The following RIMBP2 variants were observed in gnomAD, a reference collection of about 807,000 sequenced individuals.
RIMBP2 encodes the protein RIMS-binding protein 2.
RIMBP2 carries 48 observed loss-of-function variants against 118.6 expected under a neutral mutation model. The observed-to-expected ratio is 0.40, with a 90% CI of 0.32 to 0.51. RIMBP2 has a LOEUF of 0.51. Among genes scored for constraint, RIMBP2 ranks in the 20% least tolerant of loss-of-function variants. RIMBP2 has a pLI of 0.41. For synonymous variants in RIMBP2, 762 were observed against 742.9 expected, an observed-to-expected ratio of 1.03 and a Z score of -0.42; for missense variants, 1,551 against 1,768.3, an observed-to-expected ratio of 0.88 and a Z score of 2.20.
chr12:130,462,080 C>T (rs1476491324), intron 6 of RIMBP2, among the ~76,000 whole-genome samples: 1 of 152,202 alleles, frequency 6.6e-6, no homozygotes, highest in Non-Finnish European at 1.5e-5. Context: ...CTGCTCTGCA[C>T]GACAGCATGG....
chr12:130,610,598 T>C (rs1335202367), intron 2 of RIMBP2, among the ~76,000 whole-genome samples: 1 of 137,844 alleles, frequency 7.3e-6, no homozygotes. Flanking sequence ...TCTCGCTCTG[T>C]CGCCCAGGCT....
intron 11 of RIMBP2, 114 bp from the exon 12 acceptor site, chr12:130,438,630 G>A (rs990509458): frequency 8.9e-5 from 84 of 944,778 alleles, no homozygotes; most frequent in Non-Finnish European, 1.2e-4. Context: ...AAGTCGCCAG[G>A]GAAAAAGAGA....
rs1409911762 is a variant in RIMBP2, at chr12:130,581,672, G to GT, written c.-217+46649dup. Among the ~76,000 whole-genome samples, 1 of 152,164 alleles carries GT rather than the reference G, an allele frequency of 6.6e-6. No individual in the cohort carries two copies. The highest frequency in any genetic ancestry group is 2.4e-5 in the African/African-American group (1 of 41,430). On this transcript the variant is annotated intron_variant, in intron 2 of 22. Coordinates refer to ENST00000690449, the MANE Select transcript of RIMBP2 (RefSeq NM_001393629.1). This position sits in a 1 kb window ranked among gnomAD's most constrained non-coding sequence, Gnocchi z 4.4. ...TCTGACTTCAGGACATACCCGGAACGTAAGTACTTTCTCCACAGCTACTGC... is the reference window on the plus strand; with the variant it reads ...TCTGACTTCAGGACATACCCGGAACGTTAAGTACTTTCTCCACAGCTACTGC...
chr12:130,552,814 A>G (rs2055937615), intron 2 of RIMBP2, among the ~76,000 whole-genome samples: 1 of 152,182 alleles, frequency 6.6e-6, no homozygotes, highest in African/African-American at 2.4e-5. Flanking sequence ...TGATTAAGAG[A>G]TACCCAGGGT....
chr12:130,448,204 T>C (rs2078698485), intron 9 of RIMBP2, among the ~76,000 whole-genome samples: 1 of 151,936 alleles, frequency 6.6e-6, no homozygotes, highest in South Asian at 2.1e-4. Context: ...GTGCGTGGGC[T>C]GTGACTGGTG....
chr12:130,584,710 C>A (rs1250503127), intron 2 of RIMBP2, among the ~76,000 whole-genome samples: 2 of 64,578 alleles, frequency 3.1e-5, no homozygotes, highest in African/African-American at 6.3e-5. Flanking sequence ...CTATCACAAC[C>A]ATTACATCAT....
intron 2 of RIMBP2, among the ~76,000 whole-genome samples, chr12:130,579,443 T>C (rs2058314314): frequency 6.6e-6 from 1 of 152,226 alleles, no homozygotes; most frequent in African/African-American, 2.4e-5. Flanking sequence ...AGGCACGTCC[T>C]GTGTGACCCC....
In RIMBP2 at chr12:130,503,397, AAAGAAAAAACAAAAAAC is replaced by A. The variant is rs1306140433; in HGVS notation, c.-4+3234_-4+3250del. ...GGTGACAGAGTAAGACTCCATCTAA[AAAGAAAAAACAAAAAAC>A]AAAAAAAACACCAAAGAACTCTTCT... On this transcript the variant is annotated intron_variant, in intron 4 of 22. Transcript: ENST00000690449. Among the ~76,000 whole-genome samples, 56 of 96,352 alleles carry A rather than the reference AAAGAAAAAACAAAAAAC, an allele frequency of 5.8e-4. 1 individual carries two copies. Among genetic ancestry groups the A allele is most frequent in the African/African-American group, 9.4e-4 (30 of 31,832 alleles). The allele number at this position is 96,352 out of a possible 152,430, so 63.2% of individuals were successfully genotyped here.
chr12:130,659,780 C>T (rs964741423), intron 1 of RIMBP2, among the ~76,000 whole-genome samples: 4 of 151,936 alleles, frequency 2.6e-5, no homozygotes, highest in Non-Finnish European at 5.9e-5. Context: ...AGATACCAGC[C>T]TGGCCAACAT....
In RIMBP2 at chr12:130,447,248, A is replaced by G. The variant is rs1324453129; in HGVS notation, c.582-1979T>C. Among the ~76,000 whole-genome samples, 3 of 151,982 alleles carry G rather than the reference A, an allele frequency of 2.0e-5. No individual in the cohort carries two copies. The highest frequency in any genetic ancestry group is 6.6e-5 in the Admixed American group (1 of 15,256). On this transcript the variant is annotated intron_variant, in intron 9 of 22. Coordinates refer to ENST00000690449, the MANE Select transcript of RIMBP2 (RefSeq NM_001393629.1). This position sits in a 1 kb window ranked among gnomAD's most constrained non-coding sequence, Gnocchi z 4.4. ...AGGCCAAGAGGGAAGGTGAACACCG[A>G]GAAGGGTGGAAGAAGGTCCCTGGCT...
At chr12:130,537,257 G>A (rs572925971) in intron 2 of RIMBP2, among the ~76,000 whole-genome samples, 5 of 152,182 alleles carry the variant, frequency 3.3e-5, no homozygotes, top group Admixed American at 1.3e-4. Flanking sequence ...AAGCAGACAC[G>A]AGGCCATAGT....
chr12:130,585,011 C>A (rs964950127), intron 2 of RIMBP2, among the ~76,000 whole-genome samples: 12 of 152,220 alleles, frequency 7.9e-5, no homozygotes, highest in Admixed American at 7.8e-4. Flanking sequence ...CTACCTCCTG[C>A]GTAGCTAGAA....
At chr12:130,614,783 G>A (rs957551489) in intron 2 of RIMBP2, among the ~76,000 whole-genome samples, 1 of 151,908 alleles carries the variant, frequency 6.6e-6, no homozygotes, top group Non-Finnish European at 1.5e-5. Flanking sequence ...AGAATTCTAT[G>A]TGTTGACATG....
chr12:130,643,963 G>A (rs964609007), intron 1 of RIMBP2, among the ~76,000 whole-genome samples: 28 of 152,188 alleles, frequency 1.8e-4, no homozygotes, highest in African/African-American at 5.5e-4. Flanking sequence ...GCAGTGAAGC[G>A]GAGGTGGCCA....
At position 130,576,122 on chromosome 12, in the gene RIMBP2, G is replaced by A. The variant is rs955978184; in HGVS notation, c.-217+52200C>T. Reference sequence around the variant, plus strand: ...GGGGGGACCGTTAGGCAAAGGGGCTGCGGACAGGTGAGGGGGAGGAGGGGG... The same window carrying A: ...GGGGGGACCGTTAGGCAAAGGGGCTACGGACAGGTGAGGGGGAGGAGGGGG... On this transcript the variant is annotated intron_variant, in intron 2 of 22. Coordinates refer to ENST00000690449, the MANE Select transcript of RIMBP2 (RefSeq NM_001393629.1). This position sits in a 1 kb window ranked among gnomAD's most constrained non-coding sequence, Gnocchi z 4.2. 6.6e-6 allele frequency among the ~76,000 whole-genome samples: 1 copy of A among 152,084 alleles called. No homozygotes were observed. The highest frequency in any genetic ancestry group is 1.5e-5 in the Non-Finnish European group (1 of 68,016).
rs77111314 is a variant in RIMBP2, at chr12:130,480,140, C to T, written c.-3-1124G>A. On this transcript the variant is annotated intron_variant, in intron 4 of 22. Transcript: ENST00000690449. ...CATTTCCTGGGGTCCCCAAGCCACT[C>T]CTGGGGGCTTGGAAAACCAGCTGCA... Among the ~76,000 whole-genome samples the T allele has an allele frequency of 7.9e-3, 1,196 of 151,944 alleles. 14 individuals are homozygous for T. Among genetic ancestry groups the T allele is most frequent in the African/African-American group, 0.028 (1,149 of 41,362 alleles).
At chr12:130,707,824 G>A (rs1420599880) in intron 1 of RIMBP2, among the ~76,000 whole-genome samples, 8 of 152,102 alleles carry the variant, frequency 5.3e-5, no homozygotes, top group Admixed American at 6.5e-5. Context: ...GGAAAGTGGC[G>A]GATATTAGTG....
At chr12:130,557,387 C>T (rs889437690) in intron 2 of RIMBP2, among the ~76,000 whole-genome samples, 6 of 152,232 alleles carry the variant, frequency 3.9e-5, no homozygotes, top group Non-Finnish European at 7.3e-5. Context: ...GAAACTCATC[C>T]GTGTCCCATC....
chr12:130,580,871 C>T (rs1402123355), intron 2 of RIMBP2, among the ~76,000 whole-genome samples: 6 of 151,550 alleles, frequency 4.0e-5, no homozygotes, highest in Admixed American at 3.3e-4. Context: ...ACCCTGGGGG[C>T]GGAGGTTGCA....
Sources: allele counts gnomAD v4.1 joint callset (sites outside exome capture counted in the v4.1 genomes callset), GRCh38; gene constraint gnomAD v4.1.1; non-coding constraint Gnocchi (gnomAD v3.1); transcripts MANE v1.5; gene names NCBI Gene and HGNC (gene_info 2026-07-23, HGNC 2026-07-21).